The following LAMB4 variants were observed in gnomAD, a reference collection of about 807,000 sequenced individuals.
LAMB4 encodes laminin subunit beta 4, also known as laminin subunit beta-4.
In LAMB4, 196 loss-of-function variants were observed where a neutral mutation model predicts 199.2. The ratio of observed to expected loss-of-function variants is 0.98; its 90% CI spans 0.88 to 1.11. The LOEUF is 1.11. LAMB4 is among the 50% of genes least tolerant of loss of function. The pLI, the probability that LAMB4 is intolerant of heterozygous loss-of-function variation, is 0.00. For synonymous variants in LAMB4, 744 were observed against 770.6 expected, an observed-to-expected ratio of 0.97 and a Z score of 0.57; for missense variants, 2,080 against 2,171.2, an observed-to-expected ratio of 0.96 and a Z score of 0.83.
intron 17 of LAMB4, among the ~76,000 whole-genome samples, chr7:108,070,359 CT>C (rs2036491659): frequency 3.9e-5 from 6 of 152,140 alleles, no homozygotes; most frequent in Admixed American, 3.9e-4. Flanking sequence ...CCTAGTTGTC[CT>C]TTGACACACC....
intron 17 of LAMB4, chr7:108,075,645 A>G (rs1264333108): frequency 2.0e-5 from 3 of 152,194 alleles, no homozygotes; most frequent in Non-Finnish European, 4.4e-5. Flanking sequence ...GTACCTTCAT[A>G]CTGTACTAAT....
At chr7:108,021,832 A>C (rs1004015774), downstream of LAMB4, among the ~76,000 whole-genome samples, 1 of 152,238 alleles carries the variant, frequency 6.6e-6, no homozygotes, top group African/African-American at 2.4e-5. Context: ...TGGCATCAAA[A>C]TCCTTCCTAT....
At chr7:108,032,727 T>A (rs968127568) in intron 31 of LAMB4, among the ~76,000 whole-genome samples, 4 of 148,878 alleles carry the variant, frequency 2.7e-5, no homozygotes, top group African/African-American at 1.0e-4. Flanking sequence ...TGTGTGTGTG[T>A]GACAGAGAGA....
At chr7:108,031,635 C>A (rs1442436007) in intron 31 of LAMB4, among the ~76,000 whole-genome samples, 1 of 151,950 alleles carries the variant, frequency 6.6e-6, no homozygotes, top group Non-Finnish European at 1.5e-5. Flanking sequence ...TCACCTTATA[C>A]AAATATATTG....
intron 31 of LAMB4, among the ~76,000 whole-genome samples, chr7:108,031,748 C>T (rs778448011): frequency 7.2e-5 from 11 of 152,048 alleles, no homozygotes; most frequent in Non-Finnish European, 1.3e-4. Flanking sequence ...TAATTTTTAC[C>T]AGTTTAAAGC....
rs972443545 is a variant in LAMB4, at chr7:108,083,220, G to A, written c.1702-3434C>T. ...CTGAGGAGAATACTTGGGAGGGTAAGAGTGTATGTTCACAGTCTTGCTCCG... is the reference window on the plus strand; with the variant it reads ...CTGAGGAGAATACTTGGGAGGGTAAAAGTGTATGTTCACAGTCTTGCTCCG... On this transcript the variant is annotated intron_variant, in intron 14 of 33. Coordinates refer to ENST00000388781, the MANE Select transcript of LAMB4 (RefSeq NM_007356.3). Among the ~76,000 whole-genome samples, 4 of 152,304 alleles carry A rather than the reference G, an allele frequency of 2.6e-5. No homozygotes were observed. The East Asian group carries it at 7.7e-4, about 29-fold the overall frequency.
intron 26 of LAMB4, 68 bp downstream of exon 26, chr7:108,052,029 T>A: frequency 7.4e-7 from 1 of 1,343,384 alleles, no homozygotes; most frequent in Non-Finnish European, 1.0e-6. Flanking sequence ...GACGACTCAC[T>A]AATGGAATGC....
intron 30 of LAMB4, among the ~76,000 whole-genome samples, chr7:108,036,907 G>A (rs1037614894): frequency 7.6e-5 from 11 of 144,806 alleles, no homozygotes; most frequent in South Asian, 2.6e-4. Flanking sequence ...GGCAAAAACC[G>A]CAATTCCTTT....
chr7:108,101,598 A>T (rs1220671143), intron 10 of LAMB4, among the ~76,000 whole-genome samples: 2 of 152,190 alleles, frequency 1.3e-5, no homozygotes, highest in Non-Finnish European at 2.9e-5. Flanking sequence ...TCGGCAAGTA[A>T]AGATTTCAGA....
chr7:108,121,750 T>TAA (rs36039113), intron 2 of LAMB4, among the ~76,000 whole-genome samples: 4,597 of 138,206 alleles, frequency 0.033, 180 homozygotes, highest in East Asian at 0.19. Flanking sequence ...AACTCTGTCT[T>TAA]AAAAAAAAAA....
At chr7:108,017,746 T>C in the LAMB4 span, among the ~76,000 whole-genome samples, 6 of 152,152 alleles carry the variant, frequency 3.9e-5, no homozygotes, top group African/African-American at 1.4e-4. Flanking sequence ...GGCAGGACCA[T>C]AGGAGCAATG....
rs771333279 is a variant in LAMB4, at chr7:108,109,191, G to A, written c.382C>T (p.His128Tyr). The stretch of plus-strand genomic sequence containing the variant: ...TGTACCTTAAAGGTCAGGATAAGGT[G>A]GCTGAACCGAAATAATGCCTCTAAG... ...LDLEALFRFS[H>Y]LILTFKTFRP... The change falls in exon 5 of 34, where the codon CAC becomes TAC. Residue 128 changes from histidine to tyrosine, a missense_variant. Transcript: ENST00000388781. 12 of 1,612,906 alleles carry A rather than the reference G, an allele frequency of 7.4e-6. 1 individual carries two copies. The South Asian group carries it at 1.1e-4, about 15-fold the overall frequency.
At chr7:108,022,404 C>T (rs976831021), downstream of LAMB4, among the ~76,000 whole-genome samples, 2 of 152,148 alleles carry the variant, frequency 1.3e-5, no homozygotes, top group African/African-American at 4.8e-5. Flanking sequence ...AGTGGAATTA[C>T]TGAATTTTAT....
In LAMB4 at chr7:108,106,168, A is replaced by C. The variant is rs933435239; in HGVS notation, c.656-137T>G. On this transcript the variant is annotated intron_variant, in intron 7 of 33. Transcript: ENST00000388781. Reference sequence around the variant, plus strand: ...TGTAGTGGCTTGCGCCTGTAATCCCAGCACTTTGGGTGGCCGAGGCAGGAG... The same window carrying C: ...TGTAGTGGCTTGCGCCTGTAATCCCCGCACTTTGGGTGGCCGAGGCAGGAG... 3 of 737,798 alleles carry C rather than the reference A, an allele frequency of 4.1e-6. No homozygotes were observed. In the African/African-American group the frequency reaches 5.3e-5, roughly 13 times the overall value. 45.7% of individuals were successfully genotyped at this position (737,798 alleles called of 1,614,324 possible).
In LAMB4 at chr7:108,064,801, A is replaced by G. The variant is rs555630001; in HGVS notation, c.2837-816T>C. ...GATGGTAATTATCATTAGTATTGCCATAAGTTCTACATATCATTAAATCAA... is the reference window on the plus strand; with the variant it reads ...GATGGTAATTATCATTAGTATTGCCGTAAGTTCTACATATCATTAAATCAA... On this transcript the variant is annotated intron_variant, in intron 21 of 33. Coordinates refer to ENST00000388781, the MANE Select transcript of LAMB4 (RefSeq NM_007356.3). Among the ~76,000 whole-genome samples, 15 of 152,318 alleles carry G rather than the reference A, an allele frequency of 9.8e-5. No homozygotes were observed. The South Asian group carries it at 2.5e-3, about 25-fold the overall frequency.
chr7:108,037,253 G>A, intron 30 of LAMB4, 135 bp downstream of exon 30: 1 of 690,226 alleles, frequency 1.4e-6, no homozygotes, highest in Non-Finnish European at 2.5e-6. Context: ...AGAGAGCTCA[G>A]CCCTCAACTT....
intron 30 of LAMB4, 62 bp downstream of exon 30, chr7:108,037,326 C>T (rs2035264651): frequency 7.7e-7 from 1 of 1,302,640 alleles, no homozygotes; most frequent in African/African-American, 1.5e-5. Flanking sequence ...CAAACATTTT[C>T]CTGATGTCCT....
intron 32 of LAMB4, 60 bp from the exon 33 acceptor site, chr7:108,029,256 T>G: frequency 1.4e-6 from 2 of 1,439,206 alleles, no homozygotes; most frequent in Non-Finnish European, 9.5e-7. Context: ...CATATATGCA[T>G]GATGATTCTC....
At chr7:108,059,818 G>T (rs897568155) in intron 23 of LAMB4, among the ~76,000 whole-genome samples, 7 of 152,158 alleles carry the variant, frequency 4.6e-5, no homozygotes, top group Non-Finnish European at 8.8e-5. Flanking sequence ...AAACCCAATT[G>T]CAAAACTTTA....
Sources: gnomAD v4.1 joint callset for allele counts (sites outside exome capture counted in the v4.1 genomes callset) on GRCh38, gnomAD v4.1.1 for gene constraint, MANE v1.5 for transcripts, NCBI Gene and HGNC (gene_info 2026-07-23, HGNC 2026-07-21) for gene names.